The following GDPD4 variants were observed in gnomAD, a reference collection of about 807,000 sequenced individuals.
The protein encoded by GDPD4 is glycerophosphodiester phosphodiesterase domain containing 4, also known as glycerophosphodiester phosphodiesterase 6.
A neutral mutation model predicts 67.8 loss-of-function variants in GDPD4; 60 were observed. The observed-to-expected ratio is 0.88, with a 90% CI of 0.72 to 1.10. The LOEUF is 1.10. GDPD4 is among the 50% of genes least tolerant of loss of function. The pLI is 0.00. For synonymous variants in GDPD4, 212 were observed against 210.9 expected (o/e 1.00, Z -0.04); for missense variants, 623 against 613.9 (o/e 1.01, Z -0.16).
chr11:77,220,338 G>T (rs1958203493), intron 16 of GDPD4, among the ~76,000 whole-genome samples: 1 of 152,084 alleles, frequency 6.6e-6, no homozygotes, highest in Non-Finnish European at 1.5e-5. Flanking sequence ...ATTGGCTGTT[G>T]GTTTGTCATA....
chr11:77,261,992 A>C (rs1300960543), intron 10 of GDPD4, among the ~76,000 whole-genome samples: 1 of 152,240 alleles, frequency 6.6e-6, no homozygotes, highest in Non-Finnish European at 1.5e-5. Context: ...ACTTGTTGTG[A>C]ATAGAAAAAA....
chr11:77,294,961 T>C (rs934242679), intron 1 of GDPD4, among the ~76,000 whole-genome samples: 10 of 3,140 alleles, frequency 3.2e-3, no homozygotes, highest in African/African-American at 0.011. Flanking sequence ...ACAACTTTGC[T>C]TTTTTTTTTT....
chr11:77,295,883 T>C (rs1025142234), intron 1 of GDPD4, among the ~76,000 whole-genome samples: 1 of 152,188 alleles, frequency 6.6e-6, no homozygotes, highest in African/African-American at 2.4e-5. Context: ...TACACAATTA[T>C]ATGCATTTGT....
intron 3 of GDPD4, 70 bp downstream of exon 3, chr11:77,285,015 A>G: frequency 9.2e-7 from 1 of 1,086,834 alleles, no homozygotes; most frequent in Middle Eastern, 2.0e-4. Flanking sequence ...TTTCAGCCTG[A>G]GGTAGAATCC....
intron 10 of GDPD4, among the ~76,000 whole-genome samples, chr11:77,266,501 T>C (rs914932213): frequency 3.5e-4 from 54 of 152,310 alleles, no homozygotes; most frequent in African/African-American, 1.1e-3. Context: ...CTTTTTATTG[T>C]TATTTTAGAG....
chr11:77,227,511 C>A (rs1284171078), intron 16 of GDPD4, among the ~76,000 whole-genome samples: 1 of 152,216 alleles, frequency 6.6e-6, no homozygotes, highest in Non-Finnish European at 1.5e-5. Flanking sequence ...CTCTCTCAGG[C>A]CACCCTCCAG....
At chr11:77,221,538 G>A (rs1270722526) in intron 16 of GDPD4, among the ~76,000 whole-genome samples, 2 of 152,158 alleles carry the variant, frequency 1.3e-5, no homozygotes, top group Non-Finnish European at 2.9e-5. Flanking sequence ...GTAGTTGAGA[G>A]GTTTTGAGTG....
chr11:77,275,735 T>C (rs890580121), intron 5 of GDPD4, among the ~76,000 whole-genome samples: 1 of 152,166 alleles, frequency 6.6e-6, no homozygotes, highest in East Asian at 1.9e-4. Context: ...AAGGCCCAAA[T>C]AGGGGAGGGG....
intron 16 of GDPD4, among the ~76,000 whole-genome samples, chr11:77,219,857 T>C (rs1220049226): frequency 6.6e-6 from 1 of 152,252 alleles, no homozygotes; most frequent in Non-Finnish European, 1.5e-5. Flanking sequence ...GTCTTGGCAA[T>C]GCCTTGTAAG....
chr11:77,264,106 C>A (rs576235780), intron 10 of GDPD4, among the ~76,000 whole-genome samples: 14 of 152,034 alleles, frequency 9.2e-5, no homozygotes, highest in Non-Finnish European at 1.9e-4. Context: ...GGCTTTTATG[C>A]TAAAAATTTT....
At chr11:77,224,504 GCCATGTTGTGAGGA>G (rs1363364976) in intron 16 of GDPD4, among the ~76,000 whole-genome samples, 1 of 151,998 alleles carries the variant, frequency 6.6e-6, no homozygotes, top group Non-Finnish European at 1.5e-5. Flanking sequence ...GAAGTAAGCT[GCCATGTTGTGAGGA>G]CCATGTGGAT....
intron 1 of GDPD4, among the ~76,000 whole-genome samples, chr11:77,289,318 G>T (rs1047138555): frequency 6.8e-6 from 1 of 147,290 alleles, no homozygotes; most frequent in African/African-American, 2.5e-5. Context: ...AGCCAAGATC[G>T]CACCACTGCA....
intron 1 of GDPD4, among the ~76,000 whole-genome samples, chr11:77,290,481 A>G (rs1340606549): frequency 2.0e-5 from 3 of 152,228 alleles, no homozygotes; most frequent in African/African-American, 4.8e-5. Context: ...AACTGTAAAA[A>G]TACATGGAAA....
chr11:77,291,487 C>G (rs1158065951), intron 1 of GDPD4, among the ~76,000 whole-genome samples: 1 of 152,096 alleles, frequency 6.6e-6, no homozygotes, highest in Non-Finnish European at 1.5e-5. Context: ...TAACAATATA[C>G]TCTGTATTTT....
At chr11:77,246,991 T>C (rs1364921027) in intron 11 of GDPD4, among the ~76,000 whole-genome samples, 1 of 152,200 alleles carries the variant, frequency 6.6e-6, no homozygotes, top group East Asian at 1.9e-4. Flanking sequence ...AAGACTCAAG[T>C]AATCTCTCTT....
chr11:77,275,998 A>G lies in GDPD4; in HGVS notation c.207+163T>C, dbSNP rs543491522. Among the ~76,000 whole-genome samples, 3 of 152,272 alleles carry G rather than the reference A, an allele frequency of 2.0e-5. No homozygotes were observed. The South Asian group carries it at 6.2e-4, about 32-fold the overall frequency. Reference sequence around the variant, plus strand: ...AATCAGTTGCAACGTTAGAAATTTAATTATTTCAGTTAATATGGTGTAAGT... The same window carrying G: ...AATCAGTTGCAACGTTAGAAATTTAGTTATTTCAGTTAATATGGTGTAAGT... On this transcript the variant is annotated intron_variant, in intron 5 of 16. Coordinates refer to ENST00000315938, the MANE Select transcript of GDPD4 (RefSeq NM_182833.3).
At position 77,279,590 on chromosome 11, in the gene GDPD4, G is replaced by T. The variant is rs547021589; in HGVS notation, c.54-191C>A. 6.6e-5 allele frequency among the ~76,000 whole-genome samples: 10 copies of T among 151,732 alleles called. No homozygotes were observed. In the East Asian group the frequency reaches 1.9e-3, roughly 29 times the overall value. Reference sequence around the variant, plus strand: ...AAAGTTGTGTTCTGTAGGCAATTGGGGATGTTCATGGGGTCTGTAAACGCA... The same window carrying T: ...AAAGTTGTGTTCTGTAGGCAATTGGTGATGTTCATGGGGTCTGTAAACGCA... On this transcript the variant is annotated intron_variant, in intron 3 of 16. Coordinates refer to ENST00000315938, the MANE Select transcript of GDPD4 (RefSeq NM_182833.3).
chr11:77,226,761 A>G (rs1958347484), intron 16 of GDPD4, among the ~76,000 whole-genome samples: 1 of 152,148 alleles, frequency 6.6e-6, no homozygotes, highest in Non-Finnish European at 1.5e-5. Context: ...AACTCAAGTA[A>G]CCATGTAACT....
rs771704708 is a variant in GDPD4 at position 77,269,031 on chromosome 11, G to C, written c.517C>G (p.Leu173Val). The C allele has an allele frequency of 2.5e-6, 4 of 1,613,666 alleles. No individual in the cohort carries two copies. In the South Asian group the frequency reaches 3.3e-5, roughly 13 times the overall value. ...VPVGLPFLLILLGLYLMPLGI... is the reference protein window; with the variant it reads ...VPVGLPFLLIVLGLYLMPLGI... ...AGTGGCATCAAATAGAGACCTAAAAGGATAAGAAGAAAGGGTAATCCAACA... is the reference window on the plus strand; with the variant it reads ...AGTGGCATCAAATAGAGACCTAAAACGATAAGAAGAAAGGGTAATCCAACA... Residue 173 changes from leucine (L) to valine (V), a missense_variant, in exon 9 of 17, where the codon CTT (leucine) becomes GTT (valine). Transcript: ENST00000315938.
Sources: gnomAD v4.1 joint callset for allele counts (sites outside exome capture counted in the v4.1 genomes callset) on GRCh38, gnomAD v4.1.1 for gene constraint, MANE v1.5 for transcripts, NCBI Gene and HGNC (gene_info 2026-07-23, HGNC 2026-07-21) for gene names.